The following GPC5 variants were observed in gnomAD, a reference collection of about 807,000 sequenced individuals.
The protein encoded by GPC5 is glypican 5.
GPC5 carries 47 observed loss-of-function variants against 53.9 expected under a neutral mutation model. The ratio of observed to expected loss-of-function variants is 0.87; its 90% CI spans 0.69 to 1.11. The LOEUF is 1.11. Among genes scored for constraint, GPC5 ranks in the 50% most tolerant of loss-of-function variants. The probability of loss-of-function intolerance (pLI) is 0.00; values close to 1 mark genes in which losing one functional copy is unlikely to be tolerated. For synonymous variants in GPC5, 286 were observed against 263.3 expected, an observed-to-expected ratio of 1.09 and a Z score of -0.84; for missense variants, 748 against 713.1, an observed-to-expected ratio of 1.05 and a Z score of -0.56.
chr13:91,643,761 T>TC (rs1041942055), intron 2 of GPC5, among the ~76,000 whole-genome samples: 3 of 152,048 alleles, frequency 2.0e-5, no homozygotes, highest in African/African-American at 4.8e-5. Flanking sequence ...TCACATGGCC[T>TC]CCCCCCTGTG....
intron 5 of GPC5, among the ~76,000 whole-genome samples, chr13:91,771,523 A>T (rs995503361): frequency 6.6e-6 from 1 of 152,166 alleles, no homozygotes. Flanking sequence ...CTCCATTAAT[A>T]AGGAAATAAT....
intron 7 of GPC5, among the ~76,000 whole-genome samples, chr13:92,775,630 C>A (rs1227931988): frequency 6.6e-6 from 1 of 152,170 alleles, no homozygotes; most frequent in Admixed American, 6.5e-5. Flanking sequence ...CCTCCTTCCT[C>A]TCCTTTCCCT....
intron 7 of GPC5, among the ~76,000 whole-genome samples, chr13:92,350,941 A>G (rs1043487667): frequency 2.3e-4 from 35 of 152,230 alleles, no homozygotes; most frequent in East Asian, 7.7e-4. Flanking sequence ...GCAATGGTGT[A>G]ATAACTTGAA....
chr13:92,343,630 G>A (rs1002612099), intron 7 of GPC5, among the ~76,000 whole-genome samples: 3 of 151,782 alleles, frequency 2.0e-5, no homozygotes, highest in African/African-American at 7.3e-5. Flanking sequence ...TTTTTAAAGT[G>A]GACAGAGCTT....
intron 5 of GPC5, among the ~76,000 whole-genome samples, chr13:91,847,505 G>A (rs1311107147): frequency 2.6e-5 from 4 of 152,116 alleles, no homozygotes; most frequent in Admixed American, 6.5e-5. Flanking sequence ...CTCAGCTGCT[G>A]AGTGTTACAT....
chr13:92,833,754 T>C (rs1322165279), intron 7 of GPC5, among the ~76,000 whole-genome samples: 1 of 152,064 alleles, frequency 6.6e-6, no homozygotes, highest in Admixed American at 6.6e-5. Context: ...GCCTCACAGG[T>C]TGGCAAGGGT....
intron 2 of GPC5, among the ~76,000 whole-genome samples, chr13:91,529,167 TTAAC>T (rs1472513331): frequency 6.6e-5 from 10 of 152,252 alleles, no homozygotes; most frequent in African/African-American, 9.6e-5. Context: ...TTACTGATGT[TTAAC>T]TATTTGCACA....
chr13:92,610,912 T>A (rs1465945942), intron 7 of GPC5, among the ~76,000 whole-genome samples: 1 of 151,920 alleles, frequency 6.6e-6, no homozygotes, highest in African/African-American at 2.4e-5. Flanking sequence ...GGATTTACAA[T>A]TCGAGATGAT....
At position 92,613,180 on chromosome 13, in the gene GPC5, G is replaced by A. The variant is rs1452876839; in HGVS notation, c.1562-253102G>A. On this transcript the variant is annotated intron_variant, in intron 7 of 7. Transcript: ENST00000377067. ...TGATAAGGAAAAAAATAATCAAACA[G>A]GGACTGTGTTCGCAATATATGAAGT... Among the ~76,000 whole-genome samples, 5 of 144,006 alleles carry A rather than the reference G, an allele frequency of 3.5e-5. No individual in the cohort carries two copies. In the East Asian group the frequency reaches 9.9e-4, roughly 29 times the overall value. 94.5% of individuals were successfully genotyped at this position (144,006 alleles called of 152,430 possible).
At chr13:92,770,414 CAAAA>C (rs34087505) in intron 7 of GPC5, among the ~76,000 whole-genome samples, 5 of 76,890 alleles carry the variant, frequency 6.5e-5, no homozygotes, top group East Asian at 9.0e-4. Flanking sequence ...GACCCTGTCT[CAAAA>C]AAAAAAAAAA....
At chr13:92,708,175 T>C (rs1398468061) in intron 7 of GPC5, among the ~76,000 whole-genome samples, 1 of 152,142 alleles carries the variant, frequency 6.6e-6, no homozygotes, top group African/African-American at 2.4e-5. Context: ...TCCAAAGATA[T>C]AAGACAAATT....
chr13:91,917,867 T>C (rs1368909601), intron 6 of GPC5, among the ~76,000 whole-genome samples: 2 of 152,192 alleles, frequency 1.3e-5, no homozygotes, highest in African/African-American at 4.8e-5. Flanking sequence ...TCCCACATCA[T>C]CTGTCTTCTT....
chr13:92,773,838 G>A (rs994332515), intron 7 of GPC5, among the ~76,000 whole-genome samples: 6 of 152,124 alleles, frequency 3.9e-5, no homozygotes, highest in Admixed American at 1.3e-4. Flanking sequence ...ACCCAAGACT[G>A]GGTAATTTAG....
chr13:91,982,728 G>T (rs1469668388), intron 6 of GPC5, among the ~76,000 whole-genome samples: 1 of 152,210 alleles, frequency 6.6e-6, no homozygotes, highest in African/African-American at 2.4e-5. Flanking sequence ...ACCAGTCAAA[G>T]AGGAGCTGAA....
At chr13:92,265,689 T>C (rs919691705) in intron 7 of GPC5, among the ~76,000 whole-genome samples, 1 of 152,192 alleles carries the variant, frequency 6.6e-6, no homozygotes, top group African/African-American at 2.4e-5. Flanking sequence ...GCCCTTTCAG[T>C]CTCTGCCCAT....
At chr13:92,245,654 T>C (rs1269828809) in intron 7 of GPC5, among the ~76,000 whole-genome samples, 1 of 152,162 alleles carries the variant, frequency 6.6e-6, no homozygotes. Context: ...TATGTGTTTT[T>C]ATAGCTGTAG....
chr13:92,362,943 G>T (rs2043579870), intron 7 of GPC5, among the ~76,000 whole-genome samples: 1 of 151,662 alleles, frequency 6.6e-6, no homozygotes, highest in Non-Finnish European at 1.5e-5. Flanking sequence ...TCAGGCTATT[G>T]CACAGGACGG....
At chr13:92,801,959 A>G (rs1289828761) in intron 7 of GPC5, among the ~76,000 whole-genome samples, 1 of 151,898 alleles carries the variant, frequency 6.6e-6, no homozygotes, top group Non-Finnish European at 1.5e-5. Flanking sequence ...ATTATTGAAG[A>G]AAAAATATTT....
chr13:92,232,835 C>G (rs1329749405), intron 7 of GPC5, among the ~76,000 whole-genome samples: 5 of 152,142 alleles, frequency 3.3e-5, no homozygotes. Context: ...CATGTTAAAA[C>G]TATAATTGTA....
Sources: gnomAD v4.1 joint callset for allele counts (sites outside exome capture counted in the v4.1 genomes callset) on GRCh38, gnomAD v4.1.1 for gene constraint, MANE v1.5 for transcripts, NCBI Gene and HGNC (gene_info 2026-07-23, HGNC 2026-07-21) for gene names.